The following RCC2 variants were observed in gnomAD, a reference collection of about 807,000 sequenced individuals.
The protein encoded by RCC2 is regulator of chromosome condensation 2, also known as protein RCC2.
Under a neutral mutation model 64.1 loss-of-function variants are expected in RCC2, and 19 were observed. The observed-to-expected ratio is 0.30, with a 90% confidence interval of 0.21 to 0.44. RCC2 has a LOEUF of 0.44. RCC2 is among the 20% of genes least tolerant of loss of function. The pLI is 1.00. For synonymous variants in RCC2, 325 were observed against 279.6 expected (o/e 1.16, Z -1.62); for missense variants, 508 against 710.4 (o/e 0.72, Z 3.24).
At chr1:17,438,998 A>G (rs1257766016) in intron 1 of RCC2, among the ~76,000 whole-genome samples, 2 of 150,998 alleles carry the variant, frequency 1.3e-5, no homozygotes, top group South Asian at 2.1e-4. Context: ...TCTCCCCCCA[A>G]ACCCACTCAT....
rs756500381 is a variant in RCC2 at position 17,438,301 on chromosome 1, G to A, written c.214C>T (p.Pro72Ser). 8.0e-7 allele frequency: 1 copy of A among 1,247,640 alleles called. No individual in the cohort carries two copies. Among genetic ancestry groups the A allele is most frequent in the Non-Finnish European group, 1.0e-6 (1 of 985,044 alleles). The allele number at this position is 1,247,640 out of a possible 1,614,324, so 77.3% of individuals were successfully genotyped here. A position where few individuals can be genotyped will look rare whatever the true frequency, so the allele number is the denominator to read the frequency against. Residue 72 changes from proline (P) to serine (S), a missense_variant, in exon 2 of 13, where the codon CCG (proline) becomes TCG (serine). Coordinates refer to ENST00000375436, the MANE Select transcript of RCC2 (RefSeq NM_018715.4). ...CCGCCCGCCTTGCCTGCTGTCGCCG[G>A]CCGCGCCGCGCGCTTGCCCCCGCCG... ...APGGGKRAAR[P>S]ATAGKAGGAA...
intron 3 of RCC2, among the ~76,000 whole-genome samples, chr1:17,428,044 G>A (rs574424438): frequency 5.9e-5 from 9 of 152,324 alleles, no homozygotes; most frequent in Non-Finnish European, 1.2e-4. Context: ...ATGCGCGGGA[G>A]GCAACAGAGT....
intron 7 of RCC2, among the ~76,000 whole-genome samples, chr1:17,419,479 T>C (rs1368101281): frequency 6.6e-6 from 1 of 152,226 alleles, no homozygotes; most frequent in Non-Finnish European, 1.5e-5. Context: ...AAGTGATCTA[T>C]CTGGATTTGG....
intron 8 of RCC2, among the ~76,000 whole-genome samples, chr1:17,414,747 T>C (rs1031240329): frequency 6.6e-6 from 1 of 151,948 alleles, no homozygotes; most frequent in Admixed American, 6.6e-5. Context: ...TTCTCCTACC[T>C]CAGCCTCCCA....
chr1:17,428,645 C>A (rs1419805715), intron 3 of RCC2, among the ~76,000 whole-genome samples: 1 of 152,204 alleles, frequency 6.6e-6, no homozygotes, highest in Non-Finnish European at 1.5e-5. Flanking sequence ...CTGCTTTCCC[C>A]CGCTCCAGAC....
In RCC2 at chr1:17,420,330, G is replaced by A. The variant is rs189624634; in HGVS notation, c.859+384C>T. Reference sequence around the variant, plus strand: ...AACCCGAAATAATCGCCCAGGCCAGGGTTTCCAGAACAACGTTCATTTTCC... The same window carrying A: ...AACCCGAAATAATCGCCCAGGCCAGAGTTTCCAGAACAACGTTCATTTTCC... On this transcript the variant is annotated intron_variant, in intron 7 of 12. Coordinates refer to ENST00000375436, the MANE Select transcript of RCC2 (RefSeq NM_018715.4). 1.4e-4 allele frequency among the ~76,000 whole-genome samples: 21 copies of A among 152,296 alleles called. No homozygotes were observed. In the East Asian group the frequency reaches 3.5e-3, roughly 25 times the overall value.
rs11583421 is a variant in RCC2, at chr1:17,409,222, G to A, written c.1465-28C>T. ...GGGGGGACAAATCAGCGTTGGGTGT[G>A]CCTGAGGCGCCTGGACTAATCAATG... is the stretch of plus-strand genomic sequence containing the variant. On this transcript the variant is annotated intron_variant, in intron 12 of 12. Coordinates refer to ENST00000375436, the MANE Select transcript of RCC2 (RefSeq NM_018715.4). 4.3e-6 allele frequency: 6 copies of A among 1,405,470 alleles called. No homozygotes were observed. The African/African-American group carries it at 5.6e-5, about 13-fold the overall frequency. 87.1% of individuals were successfully genotyped at this position (1,405,470 alleles called of 1,614,324 possible). A position where few individuals can be genotyped will look rare whatever the true frequency, so the allele number is the denominator to read the frequency against.
chr1:17,417,678 G>A (rs1184485354), intron 7 of RCC2, among the ~76,000 whole-genome samples: 1 of 151,884 alleles, frequency 6.6e-6, no homozygotes, highest in African/African-American at 2.4e-5. Flanking sequence ...ACAAGTTTCT[G>A]TCTCCAAAAA....
At chr1:17,425,990 C>T (rs1237099617) in intron 3 of RCC2, among the ~76,000 whole-genome samples, 1 of 152,210 alleles carries the variant, frequency 6.6e-6, no homozygotes, top group Non-Finnish European at 1.5e-5. Flanking sequence ...GGCTCAGCCC[C>T]ACGTGTTCTG....
chr1:17,410,456 A>G (rs549289709), intron 11 of RCC2, among the ~76,000 whole-genome samples: 1 of 152,330 alleles, frequency 6.6e-6, no homozygotes, highest in African/African-American at 2.4e-5. Flanking sequence ...TCCACCATCC[A>G]GAGTGGAATA....
At chr1:17,418,600 T>C (rs537186938) in intron 7 of RCC2, among the ~76,000 whole-genome samples, 1 of 152,104 alleles carries the variant, frequency 6.6e-6, no homozygotes, top group East Asian at 1.9e-4. Context: ...GAGGGTGCAG[T>C]GACCCGAGAT....
chr1:17,409,241 A>C (rs750078145), intron 12 of RCC2, 47 bp from the exon 13 acceptor site: 1 of 1,192,892 alleles, frequency 8.4e-7, no homozygotes, highest in South Asian at 1.2e-5. Context: ...GCCTGGACTA[A>C]TCAATGCGTT....
Position 17,425,649 on chromosome 1 carries a change from G to A in RCC2, c.415C>T (p.Pro139Ser). 6.2e-7 allele frequency: 1 copy of A among 1,613,636 alleles called. No homozygotes were observed. Among genetic ancestry groups the A allele is most frequent in the Non-Finnish European group, 8.5e-7 (1 of 1,179,596 alleles). ...YRNLGQNLWG[P>S]HRYGCLAGVR... ...CCCGCCAGGCACCCATATCTGTGGG[G>A]CCCCCACAAATTCTGACCGAGATTG... The change falls in exon 4 of 13, where the codon CCC (proline) becomes TCC (serine). Residue 139 changes from proline (P) to serine (S), a missense_variant. Physicochemically the swap from Pro to Ser is moderately conservative, Grantham distance 74. Coordinates refer to ENST00000375436, the MANE Select transcript of RCC2 (RefSeq NM_018715.4).
At chr1:17,409,488 T>A (rs1248209162) in intron 12 of RCC2, among the ~76,000 whole-genome samples, 4 of 150,808 alleles carry the variant, frequency 2.7e-5, no homozygotes, top group Non-Finnish European at 5.9e-5. Flanking sequence ...TCCACTTCCA[T>A]CCCCCCCCTC....
chr1:17,409,736 T>C (rs752813929), intron 12 of RCC2, among the ~76,000 whole-genome samples: 6 of 152,226 alleles, frequency 3.9e-5, no homozygotes, highest in Non-Finnish European at 8.8e-5. Context: ...CTGCGGCCAG[T>C]TGGTGCCATC....
chr1:17,438,001 C>T (rs1202833950), intron 2 of RCC2, among the ~76,000 whole-genome samples: 2 of 146,324 alleles, frequency 1.4e-5, no homozygotes, highest in African/African-American at 4.9e-5. Context: ...AACCGCCAAC[C>T]GCCCGCGCGG....
At chr1:17,416,864 A>AT (rs1292805106) in intron 7 of RCC2, among the ~76,000 whole-genome samples, 1 of 152,208 alleles carries the variant, frequency 6.6e-6, no homozygotes, top group African/African-American at 2.4e-5. Context: ...AAGACCAGTT[A>AT]TTTTTTAAAA....
At chr1:17,434,101 A>G (rs2075712005) in intron 2 of RCC2, among the ~76,000 whole-genome samples, 1 of 152,218 alleles carries the variant, frequency 6.6e-6, no homozygotes, top group South Asian at 2.1e-4. Context: ...TGCGCAAAGA[A>G]TTAGGACTGA....
At chr1:17,433,635 G>C (rs990958198) in intron 2 of RCC2, among the ~76,000 whole-genome samples, 1 of 152,200 alleles carries the variant, frequency 6.6e-6, no homozygotes, top group Non-Finnish European at 1.5e-5. Flanking sequence ...ATTTCACCTG[G>C]CTGCCTCCAG....
Sources: gnomAD v4.1 joint callset for allele counts (sites outside exome capture counted in the v4.1 genomes callset) on GRCh38, gnomAD v4.1.1 for gene constraint, MANE v1.5 for transcripts, NCBI Gene and HGNC (gene_info 2026-07-23, HGNC 2026-07-21) for gene names.